Variants in SBF2 observed in about 807,000 individuals in gnomAD.
SBF2 encodes myotubularin-related protein 13.
A neutral mutation model predicts 225.2 loss-of-function variants in SBF2; 112 were observed. The ratio of observed to expected loss-of-function variants is 0.50; its 90% CI spans 0.43 to 0.58. The LOEUF is 0.58. Ranked by LOEUF, SBF2 falls within the 20% of genes least tolerant of loss-of-function variation. SBF2 has a pLI of 0.00. For synonymous variants in SBF2, 763 were observed against 773.3 expected (o/e 0.99, Z 0.22); for missense variants, 1,996 against 2,206.2 (o/e 0.90, Z 1.91).
At position 9,883,893 on chromosome 11, in the gene SBF2, C is replaced by G. The variant is rs374571153; in HGVS notation, c.1929+12050G>C. 1.8e-3 allele frequency among the ~76,000 whole-genome samples: 277 copies of G among 152,268 alleles called. 10 individuals are homozygous for G. In the South Asian group the frequency reaches 0.055, roughly 30 times the overall value. On this transcript the variant is annotated intron_variant, in intron 17 of 39. Coordinates refer to ENST00000256190, the MANE Select transcript of SBF2 (RefSeq NM_030962.4). ...AGGCTAGAATCTCCAAGCACTCCCC[C>G]ACGCCAGCCTGGAGAGTACTGTCTT...
intron 3 of SBF2, among the ~76,000 whole-genome samples, chr11:10,039,941 A>C (rs1226661345): frequency 2.0e-5 from 3 of 152,006 alleles, no homozygotes; most frequent in Non-Finnish European, 2.9e-5. Context: ...ACAAAAAAAA[A>C]ACCTGAATCC....
At chr11:10,065,311 T>C (rs982433489) in intron 2 of SBF2, among the ~76,000 whole-genome samples, 2 of 152,150 alleles carry the variant, frequency 1.3e-5, no homozygotes, top group African/African-American at 2.4e-5. Flanking sequence ...TAAAATGTTA[T>C]AGAAAGCTTC....
At chr11:9,847,665 C>A (rs1856649004) in intron 22 of SBF2, among the ~76,000 whole-genome samples, 1 of 152,008 alleles carries the variant, frequency 6.6e-6, no homozygotes, top group African/African-American at 2.4e-5. Context: ...GGAAAACAAG[C>A]CTGGACTTAA....
rs1415441306 is a variant in SBF2 at position 10,208,219 on chromosome 11, C to CA, written c.56-14233dup. ...CTAAACTTCAGGCACGGTAAACCAA[C>CA]AAAAAATGTGAAATACATACATCTA... is the stretch of plus-strand genomic sequence containing the variant. On this transcript the variant is annotated intron_variant, in intron 1 of 39. Transcript: ENST00000256190. Among the ~76,000 whole-genome samples the CA allele has an allele frequency of 5.3e-5, 8 of 152,066 alleles. No homozygotes were observed. The East Asian group carries it at 1.4e-3, about 26-fold the overall frequency.
At chr11:9,998,642 G>A (rs1947813363) in intron 8 of SBF2, among the ~76,000 whole-genome samples, 1 of 152,156 alleles carries the variant, frequency 6.6e-6, no homozygotes, top group African/African-American at 2.4e-5. Context: ...TTCAAGACAG[G>A]GGATATGTAA....
chr11:10,273,824 G>C (rs1962737453), intron 1 of SBF2, among the ~76,000 whole-genome samples: 1 of 152,186 alleles, frequency 6.6e-6, no homozygotes, highest in Non-Finnish European at 1.5e-5. Flanking sequence ...GACCTCATTA[G>C]ATAGACCTGA....
chr11:9,877,779 C>T (rs1859390086), intron 17 of SBF2, among the ~76,000 whole-genome samples: 1 of 152,188 alleles, frequency 6.6e-6, no homozygotes, highest in Non-Finnish European at 1.5e-5. Context: ...GCCACATTTT[C>T]TTAATCCAAC....
At chr11:10,076,117 A>C (rs914927924) in intron 2 of SBF2, among the ~76,000 whole-genome samples, 1 of 152,262 alleles carries the variant, frequency 6.6e-6, no homozygotes, top group Non-Finnish European at 1.5e-5. Flanking sequence ...ACTGTGAGTG[A>C]ATCACCAGTG....
chr11:10,105,728 C>T (rs1350204577), intron 2 of SBF2, among the ~76,000 whole-genome samples: 4 of 152,176 alleles, frequency 2.6e-5, no homozygotes, highest in East Asian at 1.9e-4. Flanking sequence ...TAACCTGTAT[C>T]GATCAGCCAT....
At chr11:9,977,623 G>A (rs893850749) in intron 13 of SBF2, among the ~76,000 whole-genome samples, 4 of 152,144 alleles carry the variant, frequency 2.6e-5, no homozygotes, top group Admixed American at 1.3e-4. Flanking sequence ...ATGGAAAGAA[G>A]CTGCATAGAG....
At chr11:10,056,515 G>A (rs1321045481) in intron 2 of SBF2, among the ~76,000 whole-genome samples, 1 of 152,172 alleles carries the variant, frequency 6.6e-6, no homozygotes, top group African/African-American at 2.4e-5. Context: ...TGTGAATGGG[G>A]TTGCCTTTCT....
At chr11:9,823,749 C>T (rs997959351) in intron 28 of SBF2, among the ~76,000 whole-genome samples, 5 of 152,160 alleles carry the variant, frequency 3.3e-5, no homozygotes, top group Admixed American at 2.6e-4. Context: ...TTCATTCGTC[C>T]TACTTTGAGA....
intron 2 of SBF2, among the ~76,000 whole-genome samples, chr11:10,064,412 G>GT (rs1193090935): frequency 6.6e-6 from 1 of 151,992 alleles, no homozygotes; most frequent in Non-Finnish European, 1.5e-5. Flanking sequence ...AAAATAAAGG[G>GT]TAAAAAGGAC....
At chr11:10,056,326 T>G (rs894193417) in intron 2 of SBF2, among the ~76,000 whole-genome samples, 2 of 152,228 alleles carry the variant, frequency 1.3e-5, no homozygotes, top group Non-Finnish European at 2.9e-5. Flanking sequence ...GTACATTGCT[T>G]TGGGCAGTGT....
intron 2 of SBF2, among the ~76,000 whole-genome samples, chr11:10,153,942 T>TTTATACA: frequency 6.6e-6 from 1 of 152,230 alleles, no homozygotes; most frequent in East Asian, 1.9e-4. Flanking sequence ...CTGAATAATC[T>TTTATACA]TTATACATTT....
At position 9,850,174 on chromosome 11, in the gene SBF2, GA is replaced by G; in HGVS notation, c.2654del (p.Val885AlafsTer51). ...RPALLPGEEIVCEGLRVLLDP... is the reference protein window; with the variant it reads ...RPALLPGEEIXCEGLRVLLDP... ...CCAGCAAGACTCGAAGACCCTCACAGACAATTTCTTCTCCTGGCAGCAGAGC... is the reference window on the plus strand; with the variant it reads ...CCAGCAAGACTCGAAGACCCTCACAGCAATTTCTTCTCCTGGCAGCAGAGC... On this transcript the variant is annotated frameshift_variant, in exon 22 of 40. Transcript: ENST00000256190. LOFTEE classifies it high-confidence loss of function. The G allele has an allele frequency of 6.2e-7, 1 of 1,613,984 alleles. No individual in the cohort carries two copies. The highest frequency in any genetic ancestry group is 8.5e-7 in the Non-Finnish European group (1 of 1,180,016).
At chr11:10,236,656 C>T (rs543180820) in intron 1 of SBF2, among the ~76,000 whole-genome samples, 2 of 152,252 alleles carry the variant, frequency 1.3e-5, no homozygotes, top group Admixed American at 1.3e-4. Context: ...GATGGGATTT[C>T]ACCCTGTTGG....
At chr11:9,830,755 AAAAC>A (rs1438432034) in intron 27 of SBF2, among the ~76,000 whole-genome samples, 9 of 151,524 alleles carry the variant, frequency 5.9e-5, no homozygotes, top group Admixed American at 2.0e-4. Flanking sequence ...CAAAAAAAAA[AAAAC>A]AAAAACAAAA....
intron 1 of SBF2, among the ~76,000 whole-genome samples, chr11:10,261,661 A>C (rs1444149444): frequency 6.6e-6 from 1 of 152,216 alleles, no homozygotes; most frequent in Non-Finnish European, 1.5e-5. Flanking sequence ...CTACACTCAC[A>C]AAAACACTTA....
Sources: gnomAD v4.1 joint callset for allele counts (sites outside exome capture counted in the v4.1 genomes callset) on GRCh38, gnomAD v4.1.1 for gene constraint, MANE v1.5 for transcripts, NCBI Gene and HGNC (gene_info 2026-07-23, HGNC 2026-07-21) for gene names.